ABCB8: variants seen among roughly 807,000 people sequenced by gnomAD.
The protein encoded by ABCB8 is mitochondrial potassium channel ATP-binding subunit.
In ABCB8, 52 loss-of-function variants were observed where a neutral mutation model predicts 73.0. The ratio of observed to expected loss-of-function variants is 0.71; its 90% CI spans 0.57 to 0.90. The LOEUF (loss-of-function observed/expected upper bound fraction) is 0.90. Among genes scored for constraint, ABCB8 ranks in the 40% least tolerant of loss-of-function variants. ABCB8 has a pLI of 0.00. For missense variants in ABCB8, 909 were observed against 974.6 expected (o/e 0.93, Z 0.90); for synonymous variants, 428 against 423.5 (o/e 1.01, Z -0.13).
chr7:151,033,417 C>T (rs982169325), intron 1 of ABCB8, 188 bp from the exon 2 acceptor site: 104 of 1,395,128 alleles, frequency 7.5e-5, no homozygotes, highest in East Asian at 5.2e-5. Context: ...CATTCCTCTG[C>T]GACTTTGCCC....
chr7:151,037,139 C>T (rs1242709669), intron 9 of ABCB8: 1 of 702,792 alleles, frequency 1.4e-6, no homozygotes. Flanking sequence ...CACCATTCCA[C>T]TTTCTGTCCT....
chr7:151,041,255 C>T, intron 13 of ABCB8, 23 bp downstream of exon 13: 1 of 1,584,668 alleles, frequency 6.3e-7, no homozygotes, highest in Non-Finnish European at 8.5e-7. Context: ...ATGGGCAGCC[C>T]TTGGCTCCCA....
chr7:151,028,554 C>A lies in ABCB8; in HGVS notation c.39C>A (p.Gly13=), dbSNP rs777805590. 5.9e-5 allele frequency: 96 copies of A among 1,613,922 alleles called. 3 individuals carry two copies. In the South Asian group the frequency reaches 1.1e-3, roughly 18 times the overall value. The part of the protein sequence containing the change: ...VHLFRVGIRG[G]PFPGRLLPPL... ...TATTTCGGGTCGGGATTCGGGGTGGCCCATTCCCAGGCAGGCTGCTACCGC... is the reference window on the plus strand; with the variant it reads ...TATTTCGGGTCGGGATTCGGGGTGGACCATTCCCAGGCAGGCTGCTACCGC... Residue 13 remains glycine, a synonymous_variant, in exon 1 of 16, where the codon GGC becomes GGA. Coordinates refer to ENST00000358849, the MANE Select transcript of ABCB8 (RefSeq NM_007188.5).
At chr7:151,037,276 C>T (rs974374148) in intron 9 of ABCB8, 9 of 702,900 alleles carry the variant, frequency 1.3e-5, no homozygotes, top group Admixed American at 2.0e-5. Context: ...AATTCCCTTC[C>T]GCTGCAGGCT....
rs1311859691 is a variant in ABCB8, at chr7:151,041,193, C to T, written c.1578C>T (p.Pro526=). The T allele has an allele frequency of 1.2e-6, 2 of 1,607,558 alleles. No individual in the cohort carries two copies. The highest frequency in any genetic ancestry group is 1.7e-5 in the Admixed American group (1 of 59,986). Residue 526 remains proline (P), a synonymous_variant, in exon 13 of 16, where the codon CCC becomes CCT. Coordinates refer to ENST00000358849, the MANE Select transcript of ABCB8 (RefSeq NM_007188.5). The part of the protein sequence containing the change: ...LDGRDLRTLD[P]SWLRGQVVGF... ...GGCGGGACCTGCGCACCCTTGACCCCTCCTGGCTCCGGGGCCAGGTTGTCG... is the reference window on the plus strand; with the variant it reads ...GGCGGGACCTGCGCACCCTTGACCCTTCCTGGCTCCGGGGCCAGGTTGTCG...
At chr7:151,036,236 G>C in intron 8 of ABCB8, 66 bp downstream of exon 8, 1 of 1,445,500 alleles carries the variant, frequency 6.9e-7, no homozygotes, top group Admixed American at 2.1e-5. Context: ...AGCAGCCAAG[G>C]CAGGCAAAGG....
chr7:151,029,049 C>G (rs1796064311), intron 1 of ABCB8: 1 of 1,112,686 alleles, frequency 9.0e-7, no homozygotes, highest in South Asian at 1.8e-5. Context: ...ATAGGCCGGG[C>G]GCGGTGGCTC....
intron 1 of ABCB8, among the ~76,000 whole-genome samples, chr7:151,032,693 CAA>C (rs372624691): frequency 0.041 from 3,911 of 94,718 alleles, 167 homozygotes; most frequent in African/African-American, 0.13. Flanking sequence ...GACTCTGTCT[CAA>C]AAAAAAAAAA....
intron 15 of ABCB8, among the ~76,000 whole-genome samples, 172 bp downstream of exon 15, chr7:151,044,393 C>G (rs1796559801): frequency 6.6e-6 from 1 of 152,154 alleles, no homozygotes; most frequent in Non-Finnish European, 1.5e-5. Flanking sequence ...TCAGCCAAGC[C>G]CTGGCCTCTC....
At chr7:151,041,003 C>A in intron 12 of ABCB8, 81 bp downstream of exon 12, 1 of 1,608,248 alleles carries the variant, frequency 6.2e-7, no homozygotes, top group African/African-American at 1.3e-5. Flanking sequence ...AGTGAGCCCC[C>A]GGTGGGGTCC....
intron 9 of ABCB8, chr7:151,039,162 C>T (rs569356514): frequency 3.9e-5 from 6 of 152,460 alleles, no homozygotes; most frequent in Admixed American, 3.9e-4. Context: ...GAGTCATGTG[C>T]ATTTTGAATT....
At position 151,028,490 on chromosome 7, in the gene ABCB8, G is replaced by A; in HGVS notation, c.-26G>A. On this transcript the variant is annotated 5_prime_UTR_variant, in exon 1 of 16. Transcript: ENST00000358849. ...GGATGAGGGTGAAACTGCTATTGCC[G>A]GCGGCTCCTGTTTTACCGCGTCAGC... 6.2e-7 allele frequency: 1 copy of A among 1,603,296 alleles called. No individual in the cohort carries two copies. The highest frequency in any genetic ancestry group is 8.5e-7 in the Non-Finnish European group (1 of 1,175,262).
rs572392227 is a variant in ABCB8, at chr7:151,046,958, G to C, written c.*1609G>C. ...AGATCAGAGGCTGTGTCTTTAAGCA[G>C]TGGAGGTCCAGGAGCAGAGCCTGGG... is the stretch of plus-strand genomic sequence containing the variant. On this transcript the variant is annotated 3_prime_UTR_variant, in exon 16 of 16. Transcript: ENST00000358849. 1.3e-5 allele frequency: 2 copies of C among 152,444 alleles called. No homozygotes were observed. Among genetic ancestry groups the C allele is most frequent in the East Asian group, 3.9e-4 (2 of 5,186 alleles). The allele number at this position is 152,444 out of a possible 1,614,324, so 9.4% of individuals were successfully genotyped here. A position where few individuals can be genotyped will look rare whatever the true frequency, so the allele number is the denominator to read the frequency against.
intron 1 of ABCB8, chr7:151,031,500 C>G (rs1345356440): frequency 1.8e-6 from 1 of 568,432 alleles, no homozygotes; most frequent in East Asian, 3.0e-5. Flanking sequence ...GCTCACACTA[C>G]TCTTTTTTTA....
At position 151,036,130 on chromosome 7, in the gene ABCB8, C is replaced by T. The variant is rs1293666946; in HGVS notation, c.1071C>T (p.Gly357=). 1 of 1,613,458 alleles carries T rather than the reference C, an allele frequency of 6.2e-7. No homozygotes were observed. Among genetic ancestry groups the T allele is most frequent in the Non-Finnish European group, 8.5e-7 (1 of 1,179,942 alleles). The change falls in exon 8 of 16, where the codon GGC becomes GGT. Residue 357 remains glycine (G), a synonymous_variant. Transcript: ENST00000358849. ...CRCRAEELGR[G]IALFQGLSNI... ...GCCGGGCAGAGGAGCTGGGCCGCGGCATCGCCTTGTTCCAAGGGCTTTCCA... is the reference window on the plus strand; with the variant it reads ...GCCGGGCAGAGGAGCTGGGCCGCGGTATCGCCTTGTTCCAAGGGCTTTCCA...
rs1796544855 is a variant in ABCB8 at position 151,043,986 on chromosome 7, C to T, written c.1781C>T (p.Thr594Ile). 1 of 1,612,426 alleles carries T rather than the reference C, an allele frequency of 6.2e-7. No homozygotes were observed. Among genetic ancestry groups the T allele is most frequent in the East Asian group, 2.2e-5 (1 of 44,872 alleles). The change falls in exon 15 of 16, where the codon ACC becomes ATC. Residue 594 changes from threonine to isoleucine, a missense_variant. Coordinates refer to ENST00000358849, the MANE Select transcript of ABCB8 (RefSeq NM_007188.5). ...CCCTTCCCAGGTGAACGGGGCACTA[C>T]CCTGTCTGGGGGCCAGAAGCAGCGC... is the stretch of plus-strand genomic sequence containing the variant. ...YNTVVGERGTTLSGGQKQRLA... is the reference protein window; with the variant it reads ...YNTVVGERGTILSGGQKQRLA...
At chr7:151,028,894 C>T (rs772083609) in intron 1 of ABCB8, 432 of 1,479,060 alleles carry the variant, frequency 2.9e-4, no homozygotes, top group Non-Finnish European at 3.7e-4. Context: ...CCGGGGGTCC[C>T]CTTTCCTGGC....
chr7:151,034,160 C>A, intron 2 of ABCB8, 113 bp from the exon 3 acceptor site: 2 of 1,317,702 alleles, frequency 1.5e-6, no homozygotes, highest in Non-Finnish European at 2.1e-6. Context: ...CAGCCACAAC[C>A]TGGACAAGCG....
At chr7:151,035,282 A>C (rs1796272332) in intron 5 of ABCB8, among the ~76,000 whole-genome samples, 1 of 152,158 alleles carries the variant, frequency 6.6e-6, no homozygotes, top group South Asian at 2.1e-4. Flanking sequence ...GTGTACCCCC[A>C]TGCAGTTCTC....
Sources: allele counts gnomAD v4.1 joint callset (sites outside exome capture counted in the v4.1 genomes callset), GRCh38; gene constraint gnomAD v4.1.1; transcripts MANE v1.5; gene names NCBI Gene and HGNC (gene_info 2026-07-23, HGNC 2026-07-21).